Variants in RGS12 observed in about 807,000 individuals in gnomAD.
The protein encoded by RGS12 is regulator of G-protein signaling 12.
A neutral mutation model predicts 120.1 loss-of-function variants in RGS12; 66 were observed. The ratio of observed to expected loss-of-function variants is 0.55; its 90% CI spans 0.45 to 0.67. The LOEUF is 0.67. Among genes scored for constraint, RGS12 ranks in the 30% least tolerant of loss-of-function variants. RGS12 has a pLI of 0.00. For missense variants in RGS12, 1,859 were observed against 1,957.7 expected, an observed-to-expected ratio of 0.95 and a Z score of 0.95; for synonymous variants, 827 against 804.7, an observed-to-expected ratio of 1.03 and a Z score of -0.47.
In RGS12 at chr4:3,318,152, C is replaced by T. The variant is rs560280877; in HGVS notation, c.1881+101C>T. The T allele has an allele frequency of 2.0e-5, 21 of 1,040,254 alleles. No homozygotes were observed. In the African/African-American group the frequency reaches 2.9e-4, roughly 14 times the overall value. 64.4% of individuals were successfully genotyped at this position (1,040,254 alleles called of 1,614,324 possible). On this transcript the variant is annotated intron_variant, in intron 2 of 17. Coordinates refer to ENST00000336727, the MANE Select transcript of RGS12 (RefSeq NM_001394154.1). Reference sequence around the variant, plus strand: ...CACCAGCTTGCACAGTCCTGGCTTCCTCCTGCTGGCCCTGTGGCCTCTGTG... The same window carrying T: ...CACCAGCTTGCACAGTCCTGGCTTCTTCCTGCTGGCCCTGTGGCCTCTGTG...
At chr4:3,386,464 T>C (rs374864930) in intron 4 of RGS12, 27 bp downstream of exon 4, 1 of 1,585,560 alleles carries the variant, frequency 6.3e-7, no homozygotes, top group Non-Finnish European at 8.6e-7. Context: ...GATGTATATA[T>C]TTTTTATTTT....
chr4:3,373,898 C>A (rs1018030094), intron 3 of RGS12, among the ~76,000 whole-genome samples: 1 of 152,240 alleles, frequency 6.6e-6, no homozygotes, highest in African/African-American at 2.4e-5. Flanking sequence ...TGTTTTAATA[C>A]ATTTCTATTT....
chr4:3,315,142 G>A (rs924126634), intron 1 of RGS12, among the ~76,000 whole-genome samples: 1 of 152,194 alleles, frequency 6.6e-6, no homozygotes, highest in African/African-American at 2.4e-5. Context: ...GCGTGACCCC[G>A]CTGGGAGAGG....
intron 4 of RGS12, among the ~76,000 whole-genome samples, chr4:3,388,560 C>T (rs1719106066): frequency 6.6e-6 from 1 of 152,140 alleles, no homozygotes; most frequent in African/African-American, 2.4e-5. Context: ...CTGAGAGGCC[C>T]CTCCACCCTG....
intron 1 of RGS12, among the ~76,000 whole-genome samples, chr4:3,295,398 C>G (rs974356671): frequency 6.6e-6 from 1 of 152,098 alleles, no homozygotes; most frequent in African/African-American, 2.4e-5. Flanking sequence ...AGTGACTTAA[C>G]GCCTGTAATA....
intron 4 of RGS12, among the ~76,000 whole-genome samples, chr4:3,402,719 T>A (rs577840753): frequency 9.1e-4 from 139 of 152,342 alleles, no homozygotes; most frequent in Non-Finnish European, 1.6e-3. Flanking sequence ...CTGAACTTCC[T>A]GTGTGGCCAC....
rs2110353628 is a variant in RGS12 at position 3,299,559 on chromosome 4, T to C, written c.-102+6460T>C. On this transcript the variant is annotated intron_variant, in intron 1 of 17. Transcript: ENST00000336727. ...GCAGCGTGGGAGGATGTGGGAACTG[T>C]CAATTTACGGACAGAGCTGCCGGCA... 2.0e-5 allele frequency among the ~76,000 whole-genome samples: 3 copies of C among 152,266 alleles called. No individual in the cohort carries two copies. In the East Asian group the frequency reaches 5.8e-4, roughly 29 times the overall value.
At chr4:3,287,911 A>G in the RGS12 span, among the ~76,000 whole-genome samples, 3 of 152,044 alleles carry the variant, frequency 2.0e-5, no homozygotes, top group Non-Finnish European at 2.9e-5. Context: ...ATCTCCCCCA[A>G]ACTCACCGGG....
intron 3 of RGS12, among the ~76,000 whole-genome samples, chr4:3,369,529 C>T (rs981101761): frequency 1.3e-5 from 2 of 152,128 alleles, no homozygotes; most frequent in Non-Finnish European, 2.9e-5. Context: ...CTCAACCTAA[C>T]GTTTCAGGGT....
intron 4 of RGS12, among the ~76,000 whole-genome samples, chr4:3,401,599 C>T (rs763756215): frequency 6.6e-6 from 1 of 152,202 alleles, no homozygotes; most frequent in Non-Finnish European, 1.5e-5. Flanking sequence ...GGTTTTACAG[C>T]GGGGGGAGTG....
chr4:3,360,727 A>G (rs1174385129), intron 3 of RGS12, among the ~76,000 whole-genome samples: 1 of 152,216 alleles, frequency 6.6e-6, no homozygotes, highest in East Asian at 1.9e-4. Flanking sequence ...TTAAATGAAT[A>G]TTAGGAACTT....
chr4:3,359,893 G>A (rs1430369583), intron 3 of RGS12, among the ~76,000 whole-genome samples: 1 of 152,086 alleles, frequency 6.6e-6, no homozygotes, highest in Non-Finnish European at 1.5e-5. Context: ...AAAGTGCTGG[G>A]ATTACAGGCA....
intron 3 of RGS12, 121 bp downstream of exon 3, chr4:3,343,174 T>C: frequency 1.5e-6 from 1 of 659,022 alleles, no homozygotes; most frequent in Non-Finnish European, 2.7e-6. Flanking sequence ...TCCTCTGTAG[T>C]GGTAACCCCT....
chr4:3,439,106 G>A (rs572473351), intron 17 of RGS12, among the ~76,000 whole-genome samples: 1 of 151,882 alleles, frequency 6.6e-6, no homozygotes, highest in Admixed American at 6.5e-5. Flanking sequence ...CCCTGAGGAC[G>A]CCCCCAGGAG....
intron 3 of RGS12, among the ~76,000 whole-genome samples, chr4:3,348,838 C>T (rs2108796795): frequency 6.6e-6 from 1 of 152,270 alleles, no homozygotes; most frequent in East Asian, 1.9e-4. Context: ...TGATATGCGG[C>T]CAGCAGGTCA....
rs187665765 is a variant in RGS12 at position 3,325,673 on chromosome 4, C to T, written c.1881+7622C>T. On this transcript the variant is annotated intron_variant, in intron 2 of 17. Transcript: ENST00000336727. ...CCAGAAAATGGAGGATGAGGGATTT[C>T]TTCCTGACTCATTTTATGAGGCCAG... is the stretch of plus-strand genomic sequence containing the variant. 2.4e-4 allele frequency among the ~76,000 whole-genome samples: 37 copies of T among 152,308 alleles called. 1 individual carries two copies. In the South Asian group the frequency reaches 3.5e-3, roughly 15 times the overall value.
chr4:3,432,154 T>G, intron 17 of RGS12: 1 of 985,444 alleles, frequency 1.0e-6, no homozygotes, highest in South Asian at 4.7e-5. Context: ...CCAGGAGTAA[T>G]AAATTCTGGA....
At chr4:3,348,310 T>A (rs1714016720) in intron 3 of RGS12, among the ~76,000 whole-genome samples, 1 of 152,172 alleles carries the variant, frequency 6.6e-6, no homozygotes, top group South Asian at 2.1e-4. Context: ...TCAGTTTTCC[T>A]ACAAAATAAA....
chr4:3,423,532 T>C lies in RGS12; in HGVS notation c.3125T>C (p.Ile1042Thr), dbSNP rs989230548. The change falls in exon 13 of 18, where the codon ATT (isoleucine) becomes ACT (threonine). Residue 1042 changes from isoleucine (I) to threonine (T), a missense_variant. Physicochemically the swap from Ile to Thr is moderately conservative, Grantham distance 89. Coordinates refer to ENST00000336727, the MANE Select transcript of RGS12 (RefSeq NM_001394154.1). ...RTLFRLDLVP[I>T]NRSVGLKAKP... ...CCCACCAGGCTGGATCTTGTTCCGA[T>C]TAACCGGTCAGTGGGACTCAAGGCC... The C allele has an allele frequency of 6.2e-7, 1 of 1,613,124 alleles. No individual in the cohort carries two copies. The highest frequency in any genetic ancestry group is 8.5e-7 in the Non-Finnish European group (1 of 1,179,898).
Sources: allele counts gnomAD v4.1 joint callset (sites outside exome capture counted in the v4.1 genomes callset), GRCh38; gene constraint gnomAD v4.1.1; transcripts MANE v1.5; gene names NCBI Gene and HGNC (gene_info 2026-07-23, HGNC 2026-07-21).